Variants in NXPH1 observed in about 807,000 individuals in gnomAD.
The protein encoded by NXPH1 is neurexophilin-1.
A neutral mutation model predicts 23.7 loss-of-function variants in NXPH1; 5 were observed. The observed-to-expected ratio is 0.21, with a 90% CI of 0.11 to 0.44. The LOEUF (loss-of-function observed/expected upper bound fraction) is 0.44. NXPH1 is among the 20% of genes least tolerant of loss of function. The probability of loss-of-function intolerance (pLI) is 0.99; values close to 1 mark genes in which losing one functional copy is unlikely to be tolerated. For missense variants in NXPH1, 324 were observed against 321.6 expected (o/e 1.01, Z -0.06); for synonymous variants, 144 against 122.2 (o/e 1.18, Z -1.18).
intron 2 of NXPH1, among the ~76,000 whole-genome samples, chr7:8,713,474 C>T (rs1329860845): frequency 6.6e-6 from 1 of 151,634 alleles, no homozygotes; most frequent in East Asian, 1.9e-4. Flanking sequence ...TTGGTGACAT[C>T]ATGTTTTCCT....
At chr7:8,647,476 A>T (rs1820415258) in intron 2 of NXPH1, among the ~76,000 whole-genome samples, 2 of 152,056 alleles carry the variant, frequency 1.3e-5, no homozygotes, top group African/African-American at 4.8e-5. Context: ...TCAGCCATAA[A>T]ATATATATAT....
intron 2 of NXPH1, among the ~76,000 whole-genome samples, chr7:8,499,700 A>C (rs751542532): frequency 1.3e-5 from 2 of 151,804 alleles, no homozygotes; most frequent in Non-Finnish European, 2.9e-5. Context: ...CAAAAGCTAG[A>C]CTCCCAGTGG....
chr7:8,543,475 A>C (rs181063869), intron 2 of NXPH1, among the ~76,000 whole-genome samples: 1 of 151,732 alleles, frequency 6.6e-6, no homozygotes, highest in Admixed American at 6.6e-5. Flanking sequence ...AGTATACATT[A>C]TAATTACTTG....
rs116978376 is a variant in NXPH1 at position 8,482,858 on chromosome 7, A to G, written c.54+47091A>G. Among the ~76,000 whole-genome samples, 109 of 152,342 alleles carry G rather than the reference A, an allele frequency of 7.2e-4. 1 individual carries two copies. In the East Asian group the frequency reaches 0.014, roughly 19 times the overall value. On this transcript the variant is annotated intron_variant, in intron 2 of 2. Transcript: ENST00000405863. ...GGATGGTGTCTTGGATAGAATGGTT[A>G]GAAGAATTGTCACTCTAGCTCTATC...
chr7:8,498,755 G>A (rs1817381162), intron 2 of NXPH1, among the ~76,000 whole-genome samples: 2 of 152,030 alleles, frequency 1.3e-5, no homozygotes, highest in African/African-American at 4.8e-5. Flanking sequence ...CAAAGTCCTA[G>A]GGGAAATATC....
At chr7:8,468,235 AGTCAGACAAAT>A (rs1001499591) in intron 2 of NXPH1, among the ~76,000 whole-genome samples, 7 of 152,228 alleles carry the variant, frequency 4.6e-5, no homozygotes, top group East Asian at 3.9e-4. Context: ...TTAAAAATAA[AGTCAGACAAAT>A]GTCAGACAAA....
At chr7:8,476,886 A>G (rs973513099) in intron 2 of NXPH1, among the ~76,000 whole-genome samples, 10 of 152,152 alleles carry the variant, frequency 6.6e-5, no homozygotes, top group Admixed American at 1.3e-4. Flanking sequence ...TAACAACCAT[A>G]TAGAACTATT....
chr7:8,686,933 A>T (rs1821155075), intron 2 of NXPH1, among the ~76,000 whole-genome samples: 1 of 152,110 alleles, frequency 6.6e-6, no homozygotes. Context: ...GCCTATAAGA[A>T]GTTTTATTTT....
intron 2 of NXPH1, among the ~76,000 whole-genome samples, chr7:8,590,336 A>G (rs924910121): frequency 2.0e-5 from 3 of 152,118 alleles, no homozygotes; most frequent in Admixed American, 2.0e-4. Context: ...ATGGTTAGCC[A>G]AACCCTAGAG....
chr7:8,606,106 A>T (rs1365177222), intron 2 of NXPH1, among the ~76,000 whole-genome samples: 2 of 152,140 alleles, frequency 1.3e-5, no homozygotes, highest in Non-Finnish European at 1.5e-5. Flanking sequence ...ATGCTATTAA[A>T]CATAGTACAA....
chr7:8,579,217 G>A (rs1299889218), intron 2 of NXPH1, among the ~76,000 whole-genome samples: 1 of 152,112 alleles, frequency 6.6e-6, no homozygotes, highest in Non-Finnish European at 1.5e-5. Flanking sequence ...GATAGAGAGC[G>A]AGCAACCAAA....
At chr7:8,459,763 T>C (rs1158543849) in intron 2 of NXPH1, among the ~76,000 whole-genome samples, 1 of 152,170 alleles carries the variant, frequency 6.6e-6, no homozygotes. Flanking sequence ...GCAGTAGATA[T>C]AAAATCCCAT....
chr7:8,645,555 C>T (rs1244726597), intron 2 of NXPH1, among the ~76,000 whole-genome samples: 2 of 151,780 alleles, frequency 1.3e-5, no homozygotes, highest in East Asian at 3.8e-4. Context: ...TAGGTATCAA[C>T]CCTTTTTTGA....
At chr7:8,734,939 CTCTG>C (rs951315527) in intron 2 of NXPH1, among the ~76,000 whole-genome samples, 39 of 152,220 alleles carry the variant, frequency 2.6e-4, no homozygotes, top group South Asian at 6.2e-4. Flanking sequence ...TGATTTGGCT[CTCTG>C]TCTGTTATTG....
intron 2 of NXPH1, among the ~76,000 whole-genome samples, chr7:8,725,989 G>A (rs372208333): frequency 5.7e-4 from 86 of 152,176 alleles, no homozygotes; most frequent in Admixed American, 1.9e-3. Flanking sequence ...TTTATATAAC[G>A]CTTCCTTCTA....
At chr7:8,471,539 C>A (rs1001310544) in intron 2 of NXPH1, among the ~76,000 whole-genome samples, 2 of 152,106 alleles carry the variant, frequency 1.3e-5, no homozygotes, top group African/African-American at 4.8e-5. Context: ...CAGCAGACAA[C>A]CTCCCTTAGG....
chr7:8,440,093 A>G (rs1437437259), intron 2 of NXPH1, among the ~76,000 whole-genome samples: 1 of 152,200 alleles, frequency 6.6e-6, no homozygotes, highest in Non-Finnish European at 1.5e-5. Context: ...AGCCTTTTAG[A>G]TACATACGGG....
intron 2 of NXPH1, among the ~76,000 whole-genome samples, chr7:8,618,113 T>A (rs1819786022): frequency 6.6e-6 from 1 of 152,260 alleles, no homozygotes. Flanking sequence ...CTTCTGCCCA[T>A]AAGGAATTAT....
chr7:8,740,431 A>G (rs1314034377), intron 2 of NXPH1, among the ~76,000 whole-genome samples: 1 of 152,210 alleles, frequency 6.6e-6, no homozygotes, highest in African/African-American at 2.4e-5. Context: ...CAAAAACCCA[A>G]TGAGTTAGGT....
Sources: gnomAD v4.1 joint callset for allele counts (sites outside exome capture counted in the v4.1 genomes callset) on GRCh38, gnomAD v4.1.1 for gene constraint, MANE v1.5 for transcripts, NCBI Gene and HGNC (gene_info 2026-07-23, HGNC 2026-07-21) for gene names.